The following PKN2 variants were observed in gnomAD, a reference collection of about 807,000 sequenced individuals.
PKN2 encodes the protein serine/threonine-protein kinase N2.
PKN2 carries 38 observed loss-of-function variants against 119.1 expected under a neutral mutation model. The observed-to-expected ratio is 0.32, with a 90% CI of 0.25 to 0.42. PKN2 has a LOEUF of 0.42. Among genes scored for constraint, PKN2 ranks in the 10% least tolerant of loss-of-function variants. The pLI is 1.00. For synonymous variants in PKN2, 390 were observed against 384.9 expected (o/e 1.01, Z -0.15); for missense variants, 850 against 1,165.1 (o/e 0.73, Z 3.94).
chr1:88,726,371 T>C (rs1447626000), intron 1 of PKN2, among the ~76,000 whole-genome samples: 3 of 152,186 alleles, frequency 2.0e-5, no homozygotes, highest in Non-Finnish European at 4.4e-5. Flanking sequence ...TTGGAGTTTT[T>C]GCCATGTATA....
rs762016118 is a variant in PKN2 at position 88,781,245 on chromosome 1, A to G, written c.986-3394A>G. On this transcript the variant is annotated intron_variant, in intron 6 of 21. Coordinates refer to ENST00000370521, the MANE Select transcript of PKN2 (RefSeq NM_006256.4). ...ATACTCCAGTTTCTTTTGTGGTTGTATGATTATACTACTGAAATTTGCCAG... is the reference window on the plus strand; with the variant it reads ...ATACTCCAGTTTCTTTTGTGGTTGTGTGATTATACTACTGAAATTTGCCAG... 5 of 876,832 alleles carry G rather than the reference A, an allele frequency of 5.7e-6. No homozygotes were observed. The African/African-American group carries it at 7.1e-5, about 12-fold the overall frequency. The allele number at this position is 876,832 out of a possible 1,614,324, so 54.3% of individuals were successfully genotyped here.
chr1:88,687,718 T>A (rs760720763), intron 1 of PKN2, among the ~76,000 whole-genome samples: 1 of 152,084 alleles, frequency 6.6e-6, no homozygotes, highest in Non-Finnish European at 1.5e-5. Flanking sequence ...AAGTGGAAAG[T>A]TGAGATAGTT....
chr1:88,786,720 G>T (rs891696174), intron 8 of PKN2, among the ~76,000 whole-genome samples: 1 of 152,038 alleles, frequency 6.6e-6, no homozygotes, highest in African/African-American at 2.4e-5. Context: ...GTAACTTTTA[G>T]ATTCAAGTCC....
intron 1 of PKN2, among the ~76,000 whole-genome samples, chr1:88,691,033 A>G (rs1666312814): frequency 6.6e-6 from 1 of 152,126 alleles, no homozygotes; most frequent in Non-Finnish European, 1.5e-5. Context: ...ATACCACACA[A>G]TACATGTGCT....
intron 1 of PKN2, among the ~76,000 whole-genome samples, chr1:88,720,020 G>GTTT (rs1051786728): frequency 3.3e-5 from 5 of 151,882 alleles, no homozygotes; most frequent in Non-Finnish European, 7.4e-5. Context: ...GAGTCAAAAT[G>GTTT]TTTTTTGTTG....
intron 3 of PKN2, among the ~76,000 whole-genome samples, chr1:88,764,568 A>G (rs1669580420): frequency 1.3e-5 from 2 of 152,252 alleles, no homozygotes; most frequent in South Asian, 4.1e-4. Context: ...AGTATCTGTT[A>G]AAACAATGGA....
chr1:88,816,142 T>TA (rs71084925), intron 16 of PKN2, among the ~76,000 whole-genome samples: 76,727 of 151,068 alleles, frequency 0.51, 20,162 homozygotes, highest in Middle Eastern at 0.7. Flanking sequence ...CCCCCCAAAT[T>TA]AAAAAAAAGA....
chr1:88,733,007 G>A (rs912249459), intron 1 of PKN2, among the ~76,000 whole-genome samples: 1 of 152,132 alleles, frequency 6.6e-6, no homozygotes, highest in Non-Finnish European at 1.5e-5. Flanking sequence ...GGGGAGCAGG[G>A]AAAAACGGGT....
chr1:88,761,894 A>G (rs1202582777), intron 3 of PKN2, among the ~76,000 whole-genome samples: 1 of 151,986 alleles, frequency 6.6e-6, no homozygotes, highest in Non-Finnish European at 1.5e-5. Flanking sequence ...GGGATTTTAT[A>G]TTTTTATAAA....
chr1:88,799,746 A>T (rs937778031), intron 8 of PKN2, among the ~76,000 whole-genome samples: 1 of 152,214 alleles, frequency 6.6e-6, no homozygotes, highest in Non-Finnish European at 1.5e-5. Flanking sequence ...GCTAAGAGTG[A>T]TAATGGATTT....
At chr1:88,804,665 T>C in intron 9 of PKN2, 131 bp downstream of exon 9, 1 of 870,394 alleles carries the variant, frequency 1.1e-6, no homozygotes. Context: ...GCTATGCCAC[T>C]GAATAGGTAT....
Position 88,741,038 on chromosome 1 carries a change from A to G in PKN2, c.99A>G (p.Lys33=), listed in dbSNP as rs1280506958. The part of the protein sequence containing the change: ...PFSENVSAVQ[K]LDFSDTMVQQ... ...CTGAGAATGTGAGTGCTGTTCAAAA[A>G]TTAGACTTTTCAGATACAATGGTGC... Residue 33 remains lysine, a synonymous_variant, in exon 2 of 22, where the codon AAA becomes AAG. Transcript: ENST00000370521. 2 of 1,595,416 alleles carry G rather than the reference A, an allele frequency of 1.3e-6. No homozygotes were observed. The highest frequency in any genetic ancestry group is 1.7e-6 in the Non-Finnish European group (2 of 1,174,696).
chr1:88,789,966 CTT>C (rs1335114461), intron 8 of PKN2, among the ~76,000 whole-genome samples: 1 of 152,056 alleles, frequency 6.6e-6, no homozygotes, highest in Non-Finnish European at 1.5e-5. Flanking sequence ...CTAAATACCT[CTT>C]TGTTTTGTTT....
chr1:88,738,551 A>G (rs1443552800), intron 1 of PKN2, among the ~76,000 whole-genome samples: 3 of 152,244 alleles, frequency 2.0e-5, no homozygotes, highest in Admixed American at 6.5e-5. Context: ...AGTTTAAGGA[A>G]CAAAGTGGAA....
intron 1 of PKN2, among the ~76,000 whole-genome samples, chr1:88,707,442 TG>T (rs1047813738): frequency 1.1e-4 from 16 of 152,246 alleles, no homozygotes; most frequent in African/African-American, 3.8e-4. Context: ...ATTATAAATC[TG>T]TTTTTTTGTA....
intron 1 of PKN2, among the ~76,000 whole-genome samples, chr1:88,733,751 G>T (rs1286015236): frequency 6.6e-6 from 1 of 152,154 alleles, no homozygotes; most frequent in East Asian, 1.9e-4. Context: ...GAGTGTTTTG[G>T]ATTTGGGATT....
At chr1:88,821,170 C>G (rs1570683567) in intron 16 of PKN2, among the ~76,000 whole-genome samples, 3 of 152,292 alleles carry the variant, frequency 2.0e-5, no homozygotes. Flanking sequence ...TTTAGTTCTT[C>G]CCACTTCCTT....
chr1:88,738,752 T>G (rs1668458247), intron 1 of PKN2, among the ~76,000 whole-genome samples: 3 of 152,250 alleles, frequency 2.0e-5, no homozygotes, highest in Admixed American at 2.0e-4. Flanking sequence ...CTGATAAATG[T>G]GTAAGGATTG....
intron 1 of PKN2, among the ~76,000 whole-genome samples, chr1:88,722,735 A>C (rs1667730936): frequency 6.6e-6 from 1 of 151,530 alleles, no homozygotes; most frequent in South Asian, 2.1e-4. Flanking sequence ...GTGAGACATG[A>C]TTGTGCCACT....
Sources: allele counts gnomAD v4.1 joint callset (sites outside exome capture counted in the v4.1 genomes callset), GRCh38; gene constraint gnomAD v4.1.1; transcripts MANE v1.5; gene names NCBI Gene and HGNC (gene_info 2026-07-23, HGNC 2026-07-21).